RBFOX1: variants seen among roughly 807,000 people sequenced by gnomAD.
RBFOX1 encodes the protein RNA binding protein fox-1 homolog 1.
In RBFOX1, 8 loss-of-function variants were observed where a neutral mutation model predicts 57.7. The ratio of observed to expected loss-of-function variants is 0.14; its 90% CI spans 0.08 to 0.25. The LOEUF is 0.25. Among genes scored for constraint, RBFOX1 ranks in the 10% least tolerant of loss-of-function variants. The pLI is 1.00. For synonymous variants in RBFOX1, 326 were observed against 222.4 expected, an observed-to-expected ratio of 1.47 and a Z score of -4.15; for missense variants, 611 against 548.5, an observed-to-expected ratio of 1.11 and a Z score of -1.14.
At chr16:7,534,665 C>G (rs2081049117) in intron 5 of RBFOX1, among the ~76,000 whole-genome samples, 1 of 152,154 alleles carries the variant, frequency 6.6e-6, no homozygotes, top group Non-Finnish European at 1.5e-5. Context: ...AGAGGGAGAA[C>G]TAAGTCTAAT....
chr16:7,516,222 C>A (rs1349301700), intron 4 of RBFOX1, among the ~76,000 whole-genome samples: 1 of 152,090 alleles, frequency 6.6e-6, no homozygotes, highest in African/African-American at 2.4e-5. Flanking sequence ...AACTTCTTCC[C>A]CAAAACTACA....
chr16:7,194,903 G>C (rs1045507652), intron 4 of RBFOX1, among the ~76,000 whole-genome samples: 4 of 143,208 alleles, frequency 2.8e-5, no homozygotes, highest in Non-Finnish European at 6.0e-5. Context: ...ACTCCAGCTT[G>C]GGCTACAAAA....
chr16:6,304,103 C>G (rs1331331219), intron 1 of RBFOX1, among the ~76,000 whole-genome samples: 1 of 151,778 alleles, frequency 6.6e-6, no homozygotes, highest in Non-Finnish European at 1.5e-5. Context: ...AGCCACTGCG[C>G]CCAGCCCAAA....
chr16:5,457,613 T>C (rs912957285), intron 1 of RBFOX1, among the ~76,000 whole-genome samples: 7 of 152,300 alleles, frequency 4.6e-5, no homozygotes, highest in Admixed American at 4.6e-4. Context: ...GTTAACTCTT[T>C]CGTCTGCATG....
chr16:5,252,383 A>T (rs1282305291), intron 1 of RBFOX1, among the ~76,000 whole-genome samples: 1 of 152,168 alleles, frequency 6.6e-6, no homozygotes, highest in Non-Finnish European at 1.5e-5. Context: ...CTAAAAAATG[A>T]TTTGTTGTTT....
At chr16:6,390,073 A>G (rs1295647235) in intron 2 of RBFOX1, among the ~76,000 whole-genome samples, 3 of 152,238 alleles carry the variant, frequency 2.0e-5, no homozygotes, top group Non-Finnish European at 2.9e-5. Flanking sequence ...GATACCTGAG[A>G]GAAGTCCCAG....
intron 1 of RBFOX1, among the ~76,000 whole-genome samples, chr16:6,301,704 G>A (rs77349324): frequency 0.02 from 3,023 of 152,118 alleles, 101 homozygotes; most frequent in African/African-American, 0.067. Flanking sequence ...CAGTTTAGGG[G>A]AGTGCCTAGA....
intron 3 of RBFOX1, among the ~76,000 whole-genome samples, chr16:6,931,329 C>CTATT (rs367771436): frequency 7.5e-6 from 1 of 132,834 alleles, no homozygotes; most frequent in Non-Finnish European, 1.5e-5. Context: ...ATCTATCTAT[C>CTATT]TATCTATCTC....
At chr16:6,280,061 C>G (rs2152695494) in intron 1 of RBFOX1, among the ~76,000 whole-genome samples, 1 of 151,852 alleles carries the variant, frequency 6.6e-6, no homozygotes, top group South Asian at 2.1e-4. Flanking sequence ...CACGATTCAT[C>G]CTAGAAAAGA....
At chr16:6,058,779 A>C (rs59919581) in intron 1 of RBFOX1, among the ~76,000 whole-genome samples, 134 of 149,892 alleles carry the variant, frequency 8.9e-4, no homozygotes, top group Non-Finnish European at 1.6e-3. Context: ...TCACCCACCC[A>C]CCCACCAACT....
rs199792852 is a variant in RBFOX1 at position 5,422,799 on chromosome 16, AAG to A, written c.220-44414_220-44413del. 3.0e-3 allele frequency among the ~76,000 whole-genome samples: 349 copies of A among 117,640 alleles called. 1 individual carries two copies. The highest frequency in any genetic ancestry group is 0.013 in the Middle Eastern group (2 of 150). 77.2% of individuals were successfully genotyped at this position (117,640 alleles called of 152,430 possible). A position where few individuals can be genotyped will look rare whatever the true frequency, so the allele number is the denominator to read the frequency against. On this transcript the variant is annotated intron_variant, in intron 1 of 2. Coordinates refer to the RBFOX1 transcript ENST00000585867. The stretch of plus-strand genomic sequence containing the variant: ...GGAGAAGGGAGAGGGAGTGGGAAGA[AAG>A]AGGAGGAGGAGGAGGGAGTGGGAGG...
intron 4 of RBFOX1, among the ~76,000 whole-genome samples, chr16:5,931,842 C>T (rs991057061): frequency 6.6e-6 from 1 of 152,302 alleles, no homozygotes; most frequent in South Asian, 2.1e-4. Context: ...AGGTCTTGCT[C>T]TGTCTCCCAG....
chr16:6,977,186 T>G (rs1338980681), intron 3 of RBFOX1, among the ~76,000 whole-genome samples: 2 of 147,176 alleles, frequency 1.4e-5, no homozygotes, highest in African/African-American at 2.5e-5. Flanking sequence ...AGATCATATA[T>G]ATCACATATA....
At chr16:6,483,911 C>G (rs928521618) in intron 2 of RBFOX1, 2 of 1,099,740 alleles carry the variant, frequency 1.8e-6, no homozygotes, top group African/African-American at 1.6e-5. Flanking sequence ...GTGAATGGGA[C>G]GCGGTATGTA....
At chr16:6,431,896 G>GCTTGCTTTCTTTCTTTCTTTCTTTCTTT (rs1491277692) in intron 2 of RBFOX1, among the ~76,000 whole-genome samples, 2 of 128,120 alleles carry the variant, frequency 1.6e-5, no homozygotes, top group Admixed American at 8.4e-5. Flanking sequence ...TTGCTTGCTT[G>GCTTGCTTTCTTTCTTTCTTTCTTTCTTT]CTTTCTTTCT....
chr16:7,659,058 T>C (rs530922849), intron 12 of RBFOX1, among the ~76,000 whole-genome samples: 21 of 152,334 alleles, frequency 1.4e-4, no homozygotes, highest in African/African-American at 5.1e-4. Flanking sequence ...CCTAAGCATC[T>C]AGTGTCAGCT....
At chr16:5,713,617 A>G (rs761969704) in intron 3 of RBFOX1, among the ~76,000 whole-genome samples, 1 of 152,202 alleles carries the variant, frequency 6.6e-6, no homozygotes, top group Non-Finnish European at 1.5e-5. Context: ...TCTTTAAAAA[A>G]GTACATTCTA....
intron 2 of RBFOX1, among the ~76,000 whole-genome samples, chr16:6,386,732 C>T (rs1018874182): frequency 1.1e-4 from 16 of 152,214 alleles, no homozygotes; most frequent in Admixed American, 3.3e-4. Flanking sequence ...TAAATGTTTA[C>T]GGTAAATGGA....
chr16:6,380,719 A>G (rs1279327738), intron 2 of RBFOX1, among the ~76,000 whole-genome samples: 1 of 152,134 alleles, frequency 6.6e-6, no homozygotes, highest in African/African-American at 2.4e-5. Flanking sequence ...TCTGTAAAAC[A>G]GGTGTTAAGT....
Sources: gnomAD v4.1 joint callset for allele counts (sites outside exome capture counted in the v4.1 genomes callset) on GRCh38, gnomAD v4.1.1 for gene constraint, MANE v1.5 for transcripts, NCBI Gene and HGNC (gene_info 2026-07-23, HGNC 2026-07-21) for gene names.